The following FAT3 variants were observed in gnomAD, a reference collection of about 807,000 sequenced individuals.
FAT3 encodes the protein FAT atypical cadherin 3, also known as protocadherin Fat 3.
FAT3 carries 95 observed loss-of-function variants against 310.2 expected under a neutral mutation model. The observed-to-expected ratio is 0.31, with a 90% CI of 0.26 to 0.36. The LOEUF is 0.36. Among genes scored for constraint, FAT3 ranks in the 10% least tolerant of loss-of-function variants. The probability of loss-of-function intolerance (pLI) is 1.00; values close to 1 mark genes in which losing one functional copy is unlikely to be tolerated. For missense variants in FAT3, 5,408 were observed against 5,715.6 expected, an observed-to-expected ratio of 0.95 and a Z score of 1.74; for synonymous variants, 2,314 against 2,192.9, an observed-to-expected ratio of 1.06 and a Z score of -1.54.
chr11:92,744,890 A>G (rs576211761), intron 4 of FAT3, among the ~76,000 whole-genome samples: 20 of 152,354 alleles, frequency 1.3e-4, no homozygotes, highest in African/African-American at 4.3e-4. Context: ...TAAAATTCAT[A>G]TATTTAGGTA....
chr11:92,567,267 C>G (rs1955493857), intron 3 of FAT3, among the ~76,000 whole-genome samples: 1 of 129,194 alleles, frequency 7.7e-6, no homozygotes, highest in Non-Finnish European at 1.7e-5. Flanking sequence ...TTTATGCAGC[C>G]AAAAAACACA....
intron 2 of FAT3, among the ~76,000 whole-genome samples, chr11:92,484,286 A>T (rs949791638): frequency 6.6e-6 from 1 of 152,120 alleles, no homozygotes; most frequent in Non-Finnish European, 1.5e-5. Context: ...TATTTTATTT[A>T]CTTTCTTATG....
chr11:92,435,523 CT>C (rs1950914404), intron 2 of FAT3, among the ~76,000 whole-genome samples: 7 of 141,592 alleles, frequency 4.9e-5, no homozygotes, highest in African/African-American at 8.0e-5. Flanking sequence ...TCCTTCCTTT[CT>C]CTTTCTTTCT....
intron 1 of FAT3, among the ~76,000 whole-genome samples, chr11:92,291,326 C>T (rs138061987): frequency 3.3e-5 from 5 of 152,154 alleles, no homozygotes; most frequent in African/African-American, 9.6e-5. Context: ...CTTCTTCCTT[C>T]GGTGGGAGCT....
chr11:92,316,014 A>G (rs1007027289), intron 1 of FAT3, among the ~76,000 whole-genome samples: 4 of 152,078 alleles, frequency 2.6e-5, no homozygotes. Flanking sequence ...TCTCTTATAT[A>G]CCATGCAAAA....
At chr11:92,890,443 C>T (rs763185617) in intron 27 of FAT3, 48 bp from the exon 28 acceptor site, 1 of 1,558,306 alleles carries the variant, frequency 6.4e-7, no homozygotes, top group South Asian at 1.2e-5. Flanking sequence ...CAGCAAAGCA[C>T]CAACTCCAGT....
intron 1 of FAT3, among the ~76,000 whole-genome samples, chr11:92,238,208 G>A (rs1176663617): frequency 6.6e-6 from 1 of 152,026 alleles, no homozygotes; most frequent in Non-Finnish European, 1.5e-5. Context: ...AGTATCAGGT[G>A]GATTTCTTTG....
At chr11:92,722,306 A>G (rs1944883977) in intron 4 of FAT3, among the ~76,000 whole-genome samples, 1 of 152,222 alleles carries the variant, frequency 6.6e-6, no homozygotes, top group Non-Finnish European at 1.5e-5. Flanking sequence ...CCAGTGGAAC[A>G]GTCAAATCTT....
At chr11:92,450,125 G>A (rs1951318228) in intron 2 of FAT3, among the ~76,000 whole-genome samples, 2 of 152,192 alleles carry the variant, frequency 1.3e-5, no homozygotes, top group South Asian at 4.1e-4. Flanking sequence ...TGTGTATACG[G>A]CCCCTGCCTG....
At chr11:92,540,667 G>A (rs1174854334) in intron 3 of FAT3, among the ~76,000 whole-genome samples, 1 of 152,118 alleles carries the variant, frequency 6.6e-6, no homozygotes, top group African/African-American at 2.4e-5. Flanking sequence ...CATGCAAGTT[G>A]TTCATATACC....
Position 92,890,616 on chromosome 11 carries a change from G to A in FAT3, c.13273G>A (p.Asp4425Asn), listed in dbSNP as rs759516460. The change falls in exon 28 of 28, where the codon GAT becomes AAT. Residue 4425 changes from aspartate to asparagine, a missense_variant. Physicochemically the swap from Asp to Asn is conservative, Grantham distance 23. Around this residue, in one of 5 missense-constraint regions of FAT3, gnomAD observed 649 missense variants for 666.2 expected, o/e 0.97. Coordinates refer to ENST00000525166, the MANE Select transcript of FAT3 (RefSeq NM_001367949.2). ...GGGGAGCACACGGGAGCTGGAGAGC[G>A]ATTACTACCTGGGTGGTTATGACAT... ...HQGSTRELES[D>N]YYLGGYDIDS... 26 of 1,613,624 alleles carry A rather than the reference G, an allele frequency of 1.6e-5. No homozygotes were observed. The highest frequency in any genetic ancestry group is 5.5e-5 in the South Asian group (5 of 91,064).
At chr11:92,466,042 C>G (rs1334409046) in intron 2 of FAT3, among the ~76,000 whole-genome samples, 1 of 152,166 alleles carries the variant, frequency 6.6e-6, no homozygotes, top group Admixed American at 6.6e-5. Context: ...TATCTTAATT[C>G]TATACAGCAG....
chr11:92,404,795 A>G (rs191804215), intron 2 of FAT3, among the ~76,000 whole-genome samples: 4 of 152,082 alleles, frequency 2.6e-5, no homozygotes, highest in Non-Finnish European at 4.4e-5. Flanking sequence ...AACCCAATCC[A>G]TTGAGAGCTC....
chr11:92,528,273 G>A (rs1231154612), intron 3 of FAT3, among the ~76,000 whole-genome samples: 2 of 152,098 alleles, frequency 1.3e-5, no homozygotes, highest in Admixed American at 6.5e-5. Context: ...TTTTCTGGCC[G>A]GTACAGAGAA....
At chr11:92,567,527 C>T (rs1483110284) in intron 3 of FAT3, among the ~76,000 whole-genome samples, 1 of 150,496 alleles carries the variant, frequency 6.6e-6, no homozygotes, top group African/African-American at 2.4e-5. Context: ...CCAGCCATCC[C>T]ATTACTGGGT....
intron 1 of FAT3, among the ~76,000 whole-genome samples, chr11:92,349,126 C>T (rs148103748): frequency 3.3e-5 from 5 of 152,128 alleles, no homozygotes; most frequent in Non-Finnish European, 7.4e-5. Context: ...GGCTAAGGAT[C>T]GGCAAAATTA....
At chr11:92,774,730 C>G (rs1007178458) in intron 7 of FAT3, among the ~76,000 whole-genome samples, 1 of 152,084 alleles carries the variant, frequency 6.6e-6, no homozygotes, top group African/African-American at 2.4e-5. Context: ...ATAGTAGAAC[C>G]CCCTGGTTGT....
In FAT3 at chr11:92,290,763, C is replaced by CA. The variant is rs575866831; in HGVS notation, c.-17-61323dup. Among the ~76,000 whole-genome samples the CA allele has an allele frequency of 9.1e-3, 1,328 of 146,162 alleles. 19 individuals carry two copies. The highest frequency in any genetic ancestry group is 0.031 in the African/African-American group (1,239 of 39,792). On this transcript the variant is annotated intron_variant, in intron 1 of 27. Coordinates refer to ENST00000525166, the MANE Select transcript of FAT3 (RefSeq NM_001367949.2). ...TGGGCGACAGAGTGAGACTCCATCT[C>CA]AAAAAAAAAATAATAAATGAATAAA...
chr11:92,695,619 C>T (rs1031837455), intron 3 of FAT3, among the ~76,000 whole-genome samples: 9 of 152,132 alleles, frequency 5.9e-5, no homozygotes, highest in Admixed American at 5.9e-4. Flanking sequence ...TAGAATACAG[C>T]AGATCTCTTC....
Sources: gnomAD v4.1 joint callset for allele counts (sites outside exome capture counted in the v4.1 genomes callset) on GRCh38, gnomAD v4.1.1 for gene constraint, gnomAD v4.1.1 regional missense constraint, MANE v1.5 for transcripts, NCBI Gene and HGNC (gene_info 2026-07-23, HGNC 2026-07-21) for gene names.